The following KIF16B variants were observed in gnomAD, a reference collection of about 807,000 sequenced individuals.
KIF16B encodes kinesin-like protein KIF16B.
Under a neutral mutation model 156.3 loss-of-function variants are expected in KIF16B, and 98 were observed. The observed-to-expected ratio is 0.63, with a 90% confidence interval of 0.53 to 0.74. The LOEUF is 0.74. Ranked by LOEUF, KIF16B falls within the 30% of genes least tolerant of loss-of-function variation. The pLI, the probability that KIF16B is intolerant of heterozygous loss-of-function variation, is 0.00. For synonymous variants in KIF16B, 564 were observed against 583.7 expected, an observed-to-expected ratio of 0.97 and a Z score of 0.49; for missense variants, 1,421 against 1,606.5, an observed-to-expected ratio of 0.88 and a Z score of 1.97.
chr20:16,479,547 C>A lies in KIF16B; in HGVS notation c.1302+14744G>T, dbSNP rs185422107. ...AAAAATTAATATTGAATAAATAAGGCCAAACAAAAAAATATACAGTTGTGC... is the reference window on the plus strand; with the variant it reads ...AAAAATTAATATTGAATAAATAAGGACAAACAAAAAAATATACAGTTGTGC... On this transcript the variant is annotated intron_variant, in intron 12 of 25. Transcript: ENST00000354981. 3.3e-5 allele frequency among the ~76,000 whole-genome samples: 5 copies of A among 152,172 alleles called. No homozygotes were observed. The East Asian group carries it at 9.6e-4, about 29-fold the overall frequency.
chr20:16,515,704 T>C lies in KIF16B; in HGVS notation c.232-40A>G, dbSNP rs41306902. The C allele has an allele frequency of 4.9e-3, 5,356 of 1,102,246 alleles. 25 individuals carry two copies. The highest frequency in any genetic ancestry group is 0.021 in the East Asian group (892 of 42,384). The allele number at this position is 1,102,246 out of a possible 1,614,324, so 68.3% of individuals were successfully genotyped here. A position where few individuals can be genotyped will look rare whatever the true frequency, so the allele number is the denominator to read the frequency against. ...GAACACACAAAAGATACAATTATCA[T>C]AGATTTTAATAATAGCCCCTTCAGT... On this transcript the variant is annotated intron_variant, in intron 3 of 25. Transcript: ENST00000354981.
chr20:16,273,162 A>G lies in KIF16B; in HGVS notation c.*91T>C, dbSNP rs2063006088. 2.7e-6 allele frequency: 3 copies of G among 1,113,626 alleles called. No homozygotes were observed. Among genetic ancestry groups the G allele is most frequent in the African/African-American group, 3.1e-5 (2 of 65,146 alleles). 69.0% of individuals were successfully genotyped at this position (1,113,626 alleles called of 1,614,324 possible). On this transcript the variant is annotated 3_prime_UTR_variant, in exon 26 of 26. Transcript: ENST00000354981. ...GTCTGTCTTCAGCAGGAGGAGGCAGACCCGGATCCTCGCATGGGGGAGCTG... is the reference window on the plus strand; with the variant it reads ...GTCTGTCTTCAGCAGGAGGAGGCAGGCCCGGATCCTCGCATGGGGGAGCTG...
chr20:16,418,087 T>G (rs947413604), intron 15 of KIF16B, among the ~76,000 whole-genome samples: 2 of 151,672 alleles, frequency 1.3e-5, no homozygotes, highest in African/African-American at 2.4e-5. Flanking sequence ...CCAAGGCATA[T>G]TGTAAAGCCA....
chr20:16,366,524 G>C (rs2064670631), intron 22 of KIF16B, among the ~76,000 whole-genome samples: 1 of 152,106 alleles, frequency 6.6e-6, no homozygotes, highest in African/African-American at 2.4e-5. Flanking sequence ...AGTTAAAAGG[G>C]AATCATCAAG....
chr20:16,510,662 A>G (rs1250070587), intron 6 of KIF16B, among the ~76,000 whole-genome samples: 3 of 152,210 alleles, frequency 2.0e-5, no homozygotes, highest in Non-Finnish European at 2.9e-5. Context: ...AGATAAAAAA[A>G]GGAATACAGA....
At chr20:16,420,586 G>A (rs1209636771) in intron 15 of KIF16B, among the ~76,000 whole-genome samples, 2 of 152,128 alleles carry the variant, frequency 1.3e-5, no homozygotes, top group African/African-American at 4.8e-5. Context: ...CAATTGTGGA[G>A]TTAATATGGC....
rs74175693 is a variant in KIF16B, at chr20:16,431,913, T to TAC, written c.1303-1933_1303-1932dup. ...TACTATCCATTTATATGTATACGTA[T>TAC]ACACACACACACACACACACACACA... On this transcript the variant is annotated intron_variant, in intron 12 of 25. Transcript: ENST00000354981. Among the ~76,000 whole-genome samples, 502 of 143,820 alleles carry TAC rather than the reference T, an allele frequency of 3.5e-3. 3 individuals are homozygous for TAC. The highest frequency in any genetic ancestry group is 0.027 in the South Asian group (120 of 4,378). The allele number at this position is 143,820 out of a possible 152,430, so 94.4% of individuals were successfully genotyped here. A position where few individuals can be genotyped will look rare whatever the true frequency, so the allele number is the denominator to read the frequency against.
chr20:16,439,270 A>T (rs2066730799), intron 12 of KIF16B, among the ~76,000 whole-genome samples: 1 of 152,100 alleles, frequency 6.6e-6, no homozygotes, highest in South Asian at 2.1e-4. Context: ...GATATCCCCC[A>T]ATCGGTCTTT....
At chr20:16,431,108 C>T (rs2066487442) in intron 12 of KIF16B, among the ~76,000 whole-genome samples, 1 of 151,974 alleles carries the variant, frequency 6.6e-6, no homozygotes, top group Non-Finnish European at 1.5e-5. Context: ...ATTAACTCTA[C>T]CTTCAAAATA....
intron 12 of KIF16B, among the ~76,000 whole-genome samples, chr20:16,442,426 T>TATAA (rs1376481430): frequency 6.6e-6 from 1 of 151,196 alleles, no homozygotes; most frequent in Non-Finnish European, 1.5e-5. Context: ...ATATTATATA[T>TATAA]ATATACATGA....
chr20:16,344,652 C>T (rs2064199043), intron 23 of KIF16B, among the ~76,000 whole-genome samples: 1 of 152,166 alleles, frequency 6.6e-6, no homozygotes, highest in Admixed American at 6.5e-5. Flanking sequence ...TGGGTGCTGT[C>T]CTGCACGCTG....
At chr20:16,473,296 ATTTTGC>A (rs1284504583) in intron 12 of KIF16B, among the ~76,000 whole-genome samples, 1 of 152,156 alleles carries the variant, frequency 6.6e-6, no homozygotes, top group Non-Finnish European at 1.5e-5. Context: ...GGCCTGCTAA[ATTTTGC>A]TTAATGTGAT....
At chr20:16,524,987 G>A (rs948432343) in intron 3 of KIF16B, among the ~76,000 whole-genome samples, 1 of 152,100 alleles carries the variant, frequency 6.6e-6, no homozygotes, top group African/African-American at 2.4e-5. Flanking sequence ...GAGAACAAAT[G>A]GACACAGGGA....
intron 25 of KIF16B, among the ~76,000 whole-genome samples, chr20:16,281,293 T>TA (rs1222051832): frequency 2.0e-5 from 3 of 152,204 alleles, no homozygotes; most frequent in Non-Finnish European, 4.4e-5. Context: ...CAGAAGTCAT[T>TA]AACCACGGTG....
At chr20:16,298,387 T>C (rs2063422439) in intron 25 of KIF16B, among the ~76,000 whole-genome samples, 1 of 152,234 alleles carries the variant, frequency 6.6e-6, no homozygotes, top group African/African-American at 2.4e-5. Flanking sequence ...ACTGACTGCA[T>C]GCAAAACTTG....
chr20:16,378,745 T>G, intron 19 of KIF16B, 60 bp downstream of exon 19: 3 of 1,460,258 alleles, frequency 2.1e-6, no homozygotes, highest in Non-Finnish European at 1.8e-6. Context: ...ACATGAGGAG[T>G]GAAAAATGAG....
intron 12 of KIF16B, among the ~76,000 whole-genome samples, chr20:16,433,854 A>G (rs866773084): frequency 6.6e-6 from 1 of 152,324 alleles, no homozygotes; most frequent in Middle Eastern, 3.4e-3. Flanking sequence ...AAAAATATCT[A>G]TCACGTATAA....
At chr20:16,343,205 A>G (rs777618078) in intron 23 of KIF16B, among the ~76,000 whole-genome samples, 19 of 152,236 alleles carry the variant, frequency 1.2e-4, no homozygotes, top group Non-Finnish European at 2.6e-4. Context: ...GGGCCATAAA[A>G]TGATCAAGCG....
At chr20:16,340,328 T>G (rs1183290485) in intron 23 of KIF16B, among the ~76,000 whole-genome samples, 1 of 152,210 alleles carries the variant, frequency 6.6e-6, no homozygotes. Context: ...CAACACTGCT[T>G]ACTCTTCTTC....
Sources: allele counts gnomAD v4.1 joint callset (sites outside exome capture counted in the v4.1 genomes callset), GRCh38; gene constraint gnomAD v4.1.1; transcripts MANE v1.5; gene names NCBI Gene and HGNC (gene_info 2026-07-23, HGNC 2026-07-21).